Variants in FBXL22 observed in about 807,000 individuals in gnomAD.
The protein encoded by FBXL22 is F-box and leucine-rich protein 22.
FBXL22 carries 13 observed loss-of-function variants against 11.7 expected under a neutral mutation model. That is an observed-to-expected ratio of 1.11 (90% confidence interval 0.73 to 1.77). The LOEUF is 1.77. Among genes scored for constraint, FBXL22 ranks in the 40% most tolerant of loss-of-function variants. The pLI is 0.00. For synonymous variants in FBXL22, 160 were observed against 144.1 expected, an observed-to-expected ratio of 1.11 and a Z score of -0.79; for missense variants, 406 against 320.4, an observed-to-expected ratio of 1.27 and a Z score of -2.04.
At chr15:63,600,368 G>A in intron 1 of FBXL22, 1 of 1,113,970 alleles carries the variant, frequency 9.0e-7, no homozygotes, top group Non-Finnish European at 1.1e-6. Context: ...AAGAGTCAAG[G>A]GTTGTGGCTC....
At position 63,600,866 on chromosome 15, in the gene FBXL22, C is replaced by A; in HGVS notation, c.523C>A (p.Gln175Lys). 1 of 1,229,082 alleles carries A rather than the reference C, an allele frequency of 8.1e-7. No individual in the cohort carries two copies. Among genetic ancestry groups the A allele is most frequent in the Non-Finnish European group, 1.0e-6 (1 of 986,292 alleles). 76.1% of individuals were successfully genotyped at this position (1,229,082 alleles called of 1,614,324 possible). ...AAVAADGRAL[Q>K]TLHVDFCRNV... Reference sequence around the variant, plus strand: ...CGTGGCGGCGGACGGGCGCGCGCTGCAGACATTGCACGTGGACTTCTGCCG... The same window carrying A: ...CGTGGCGGCGGACGGGCGCGCGCTGAAGACATTGCACGTGGACTTCTGCCG... Residue 175 changes from glutamine to lysine, a missense_variant, in exon 2 of 2, where the codon CAG becomes AAG. By Grantham distance (53) the Gln-to-Lys change is moderately conservative. Coordinates refer to ENST00000638704, the MANE Select transcript of FBXL22 (RefSeq NM_001367807.1).
intron 1 of FBXL22, chr15:63,599,360 G>A: frequency 2.1e-6 from 3 of 1,433,972 alleles, no homozygotes; most frequent in Non-Finnish European, 2.7e-6. Flanking sequence ...ACACCTTTGA[G>A]GCTTAAACAC....
Position 63,600,697 on chromosome 15 carries a change from G to A in FBXL22, c.354G>A (p.Arg118=). The change falls in exon 2 of 2, where the codon AGG becomes AGA. Residue 118 remains arginine (R), a splice_region_variant and synonymous_variant. Transcript: ENST00000638704. ...CCGGGTCACCGCACTCTCCTCACAGGTGCCCCAACCTGGCGTCCGTCACGC... is the reference window on the plus strand; with the variant it reads ...CCGGGTCACCGCACTCTCCTCACAGATGCCCCAACCTGGCGTCCGTCACGC... ...VNDFLLRVCD[R]CPNLASVTLS... The A allele has an allele frequency of 8.1e-7, 1 of 1,231,444 alleles. No homozygotes were observed. Among genetic ancestry groups the A allele is most frequent in the Non-Finnish European group, 1.0e-6 (1 of 987,782 alleles). 76.3% of individuals were successfully genotyped at this position (1,231,444 alleles called of 1,614,324 possible). A position where few individuals can be genotyped will look rare whatever the true frequency, so the allele number is the denominator to read the frequency against.
chr15:63,607,511 T>C, the FBXL22 span, among the ~76,000 whole-genome samples: 2 of 152,258 alleles, frequency 1.3e-5, no homozygotes. Flanking sequence ...AGTCTCTCCC[T>C]GAGACCCAAT....
chr15:63,601,206 G>C lies in FBXL22; in HGVS notation c.*167G>C, dbSNP rs2067366080. ...ACCTCACGTTACGATTTTATACATA[G>C]GATAAACGCAAGATTAAATGGATAT... is the stretch of plus-strand genomic sequence containing the variant. On this transcript the variant is annotated 3_prime_UTR_variant, in exon 2 of 2. Coordinates refer to ENST00000638704, the MANE Select transcript of FBXL22 (RefSeq NM_001367807.1). 1 of 1,490,232 alleles carries C rather than the reference G, an allele frequency of 6.7e-7. No individual in the cohort carries two copies. The highest frequency in any genetic ancestry group is 1.4e-5 in the African/African-American group (1 of 70,184). 92.3% of individuals were successfully genotyped at this position (1,490,232 alleles called of 1,614,324 possible). A position where few individuals can be genotyped will look rare whatever the true frequency, so the allele number is the denominator to read the frequency against.
chr15:63,600,019 C>A (rs1351529010), intron 1 of FBXL22: 2 of 985,640 alleles, frequency 2.0e-6, no homozygotes, highest in Non-Finnish European at 2.4e-6. Context: ...GCAGAGGGTC[C>A]CCCAAGCTTT....
chr15:63,607,057 CT>C (rs71131174), downstream of FBXL22, among the ~76,000 whole-genome samples: 113,684 of 137,728 alleles, frequency 0.83, 47,112 homozygotes, highest in East Asian at 0.98. Context: ...AGCACAGATG[CT>C]TTTTTTTTTT....
At chr15:63,601,826 A>G, downstream of FBXL22, 2 of 1,231,952 alleles carry the variant, frequency 1.6e-6, no homozygotes, top group Non-Finnish European at 1.1e-6. Flanking sequence ...CTAAACAAAA[A>G]CAAAACCAGC....
chr15:63,607,891 C>T, the FBXL22 span, among the ~76,000 whole-genome samples: 2 of 152,188 alleles, frequency 1.3e-5, no homozygotes, highest in African/African-American at 4.8e-5. Context: ...GGCCCTTTCC[C>T]CCAGAAACAC....
downstream of FBXL22, chr15:63,601,283 G>C (rs753475999): frequency 7.0e-6 from 11 of 1,562,346 alleles, no homozygotes; most frequent in Middle Eastern, 1.7e-4. Context: ...TTCCCCTCTT[G>C]CTTCCGCCCC....
At chr15:63,605,066 A>C (rs144644402), downstream of FBXL22, among the ~76,000 whole-genome samples, 155 of 152,254 alleles carry the variant, frequency 1.0e-3, 1 homozygote, top group African/African-American at 3.6e-3. Flanking sequence ...TCAAAAACAA[A>C]AAAAAAAGTA....
chr15:63,606,156 T>G (rs192852895), downstream of FBXL22, among the ~76,000 whole-genome samples: 39 of 152,318 alleles, frequency 2.6e-4, no homozygotes, highest in Admixed American at 2.1e-3. Flanking sequence ...CTTGGATTCT[T>G]GGTTTATAAA....
chr15:63,606,713 C>G (rs2067415345), downstream of FBXL22, among the ~76,000 whole-genome samples: 1 of 107,298 alleles, frequency 9.3e-6, no homozygotes, highest in Admixed American at 9.2e-5. Flanking sequence ...ATAGTCAAGA[C>G]AATGAGGAAA....
Position 63,597,932 on chromosome 15 carries a change from C to A in FBXL22, c.353+187C>A, listed in dbSNP as rs1437329802. On this transcript the variant is annotated intron_variant, in intron 1 of 1. Coordinates refer to ENST00000638704, the MANE Select transcript of FBXL22 (RefSeq NM_001367807.1). The surrounding 1 kb of genome is among the most constrained non-coding windows in gnomAD (Gnocchi z 4.3). Reference sequence around the variant, plus strand: ...GGAGACAATAAAATCATGAGGGAAACAATTGCTAATCCTCCTCTTAGCCTC... The same window carrying A: ...GGAGACAATAAAATCATGAGGGAAAAAATTGCTAATCCTCCTCTTAGCCTC... Among the ~76,000 whole-genome samples the A allele has an allele frequency of 2.6e-5, 4 of 152,238 alleles. No individual in the cohort carries two copies. Among genetic ancestry groups the A allele is most frequent in the Non-Finnish European group, 5.9e-5 (4 of 68,042 alleles).
At chr15:63,604,535 C>T (rs755436057), downstream of FBXL22, among the ~76,000 whole-genome samples, 11 of 152,176 alleles carry the variant, frequency 7.2e-5, no homozygotes, top group African/African-American at 2.2e-4. Context: ...ATTTTAGGTG[C>T]CCCCAGAAGG....
rs542349907 is a variant in FBXL22 at position 63,597,961 on chromosome 15, G to A, written c.353+216G>A. 1.0e-3 allele frequency among the ~76,000 whole-genome samples: 153 copies of A among 152,352 alleles called. 2 individuals carry two copies. Among genetic ancestry groups the A allele is most frequent in the Non-Finnish European group, 1.6e-3 (107 of 68,030 alleles). ...TGCTAATCCTCCTCTTAGCCTCACA[G>A]GTCCTGGGCTGCTTCATGCAAACAC... On this transcript the variant is annotated intron_variant, in intron 1 of 1. Transcript: ENST00000638704. This position sits in a 1 kb window ranked among gnomAD's most constrained non-coding sequence, Gnocchi z 4.3.
At position 63,600,979 on chromosome 15, in the gene FBXL22, C is replaced by G; in HGVS notation, c.636C>G (p.Pro212=). The G allele has an allele frequency of 1.7e-6, 2 of 1,192,254 alleles. No homozygotes were observed. The allele number at this position is 1,192,254 out of a possible 1,614,324, so 73.9% of individuals were successfully genotyped here. A position where few individuals can be genotyped will look rare whatever the true frequency, so the allele number is the denominator to read the frequency against. ...CAGAGCACAGCGCCGCCATGCTGCC[C>G]GACCAGCCCCCGCGCCCGCGCGCGC... The part of the protein sequence containing the change: ...LRAEHSAAML[P]DQPPRPRAPA... The change falls in exon 2 of 2, where the codon CCC becomes CCG. Residue 212 remains proline, a synonymous_variant. Coordinates refer to ENST00000638704, the MANE Select transcript of FBXL22 (RefSeq NM_001367807.1).
At chr15:63,600,442 T>TC in intron 1 of FBXL22, 1 of 1,207,742 alleles carries the variant, frequency 8.3e-7, no homozygotes, top group Non-Finnish European at 1.0e-6. Flanking sequence ...GGTCGGGGCT[T>TC]CCCACTAGGG....
chr15:63,597,401 A>G lies in FBXL22; in HGVS notation c.9A>G (p.Pro3=). 1 of 1,607,298 alleles carries G rather than the reference A, an allele frequency of 6.2e-7. No individual in the cohort carries two copies. Among genetic ancestry groups the G allele is most frequent in the Non-Finnish European group, 8.5e-7 (1 of 1,175,526 alleles). Residue 3 remains proline (P), a synonymous_variant, in exon 1 of 2, where the codon CCA becomes CCG. Transcript: ENST00000638704. This position sits in a 1 kb window ranked among gnomAD's most constrained non-coding sequence, Gnocchi z 4.3. The part of the protein sequence containing the change: MW[P]LLTMHITQLN... ...GCTGCAGCTGCACTCACATGTGGCCACTGCTCACCATGCACATAACCCAGC... is the reference window on the plus strand; with the variant it reads ...GCTGCAGCTGCACTCACATGTGGCCGCTGCTCACCATGCACATAACCCAGC...
Sources: allele counts gnomAD v4.1 joint callset (sites outside exome capture counted in the v4.1 genomes callset), GRCh38; gene constraint gnomAD v4.1.1; non-coding constraint Gnocchi (gnomAD v3.1); transcripts MANE v1.5; gene names NCBI Gene and HGNC (gene_info 2026-07-23, HGNC 2026-07-21).